Variants in BACH2 observed in about 807,000 individuals in gnomAD.
BACH2 encodes the protein BACH transcriptional regulator 2, also known as transcription regulator protein BACH2.
Under a neutral mutation model 61.8 loss-of-function variants are expected in BACH2, and 5 were observed. That is an observed-to-expected ratio of 0.08 (90% CI 0.04 to 0.17). BACH2 has a LOEUF of 0.17. BACH2 is among the 10% of genes least tolerant of loss of function. The pLI, the probability that BACH2 is intolerant of heterozygous loss-of-function variation, is 1.00. For synonymous variants in BACH2, 446 were observed against 440.1 expected (o/e 1.01, Z -0.17); for missense variants, 824 against 1,091.1 (o/e 0.76, Z 3.45).
intron 4 of BACH2, among the ~76,000 whole-genome samples, chr6:90,123,769 CAAAAA>C (rs796903431): frequency 2.9e-4 from 10 of 34,000 alleles, no homozygotes; most frequent in South Asian, 1.4e-3. Context: ...GACTCCGTCT[CAAAAA>C]AAAAAAAAAA....
At chr6:90,172,732 T>C (rs1767858695) in intron 4 of BACH2, among the ~76,000 whole-genome samples, 1 of 152,098 alleles carries the variant, frequency 6.6e-6, no homozygotes, top group Non-Finnish European at 1.5e-5. Flanking sequence ...AAAACATTCA[T>C]TAAAGGTACT....
chr6:89,947,218 C>T (rs947929880), intron 7 of BACH2, among the ~76,000 whole-genome samples: 8 of 152,200 alleles, frequency 5.3e-5, no homozygotes, highest in African/African-American at 1.9e-4. Flanking sequence ...CCAATAGATG[C>T]TGGCTTCTTC....
chr6:90,183,729 C>T (rs1768248740), intron 4 of BACH2, among the ~76,000 whole-genome samples: 1 of 152,196 alleles, frequency 6.6e-6, no homozygotes, highest in African/African-American at 2.4e-5. Flanking sequence ...CTGTGAGCTG[C>T]TGGTAATCAA....
At chr6:90,037,295 A>G (rs912033581) in intron 5 of BACH2, among the ~76,000 whole-genome samples, 3 of 152,264 alleles carry the variant, frequency 2.0e-5, no homozygotes, top group Non-Finnish European at 4.4e-5. Flanking sequence ...TTTTTAAAAA[A>G]GCCCATCTTC....
chr6:89,971,921 C>G (rs1775383423), intron 6 of BACH2, among the ~76,000 whole-genome samples: 1 of 152,172 alleles, frequency 6.6e-6, no homozygotes, highest in South Asian at 2.1e-4. Flanking sequence ...GGTGGGGACA[C>G]AGCCAAACCA....
intron 6 of BACH2, among the ~76,000 whole-genome samples, chr6:90,004,272 A>G (rs940168686): frequency 6.6e-6 from 1 of 152,212 alleles, no homozygotes; most frequent in Non-Finnish European, 1.5e-5. Flanking sequence ...ATAGCACTGA[A>G]AAGTGAGATT....
intron 4 of BACH2, among the ~76,000 whole-genome samples, chr6:90,121,389 G>T: frequency 6.6e-6 from 1 of 151,548 alleles, no homozygotes; most frequent in Non-Finnish European, 1.5e-5. Context: ...AGGTAGATAG[G>T]GTTCCTTCTT....
intron 4 of BACH2, among the ~76,000 whole-genome samples, chr6:90,201,904 T>C (rs1007312436): frequency 6.6e-6 from 1 of 152,198 alleles, no homozygotes; most frequent in Non-Finnish European, 1.5e-5. Context: ...ATTGAGGGTG[T>C]CCTGGAAAGG....
chr6:89,952,809 G>A (rs528964458), intron 6 of BACH2: 1 of 152,340 alleles, frequency 6.6e-6, no homozygotes, highest in African/African-American at 2.4e-5. Flanking sequence ...CCACACGCAT[G>A]CCTGCTCACA....
intron 1 of BACH2, among the ~76,000 whole-genome samples, chr6:90,277,161 C>A (rs1364688850): frequency 6.6e-6 from 1 of 152,048 alleles, no homozygotes; most frequent in Non-Finnish European, 1.5e-5. Context: ...CTAAATATGC[C>A]CAACACAAAT....
At chr6:90,064,427 G>A (rs1043826449) in intron 5 of BACH2, among the ~76,000 whole-genome samples, 5 of 152,140 alleles carry the variant, frequency 3.3e-5, no homozygotes, top group Non-Finnish European at 5.9e-5. Flanking sequence ...GACAAGAAGC[G>A]GTCCAGACAA....
At chr6:90,141,665 GATAAA>G (rs1301688491) in intron 4 of BACH2, among the ~76,000 whole-genome samples, 18 of 152,070 alleles carry the variant, frequency 1.2e-4, no homozygotes, top group Admixed American at 5.9e-4. Flanking sequence ...TGAGGAATGT[GATAAA>G]ATAATCATCT....
At chr6:90,136,235 T>C (rs1015529397) in intron 4 of BACH2, among the ~76,000 whole-genome samples, 17 of 152,224 alleles carry the variant, frequency 1.1e-4, no homozygotes, top group African/African-American at 3.9e-4. Context: ...GACTTTCTTC[T>C]TCTTTTTATA....
chr6:90,041,006 C>T (rs1779506927), intron 5 of BACH2, among the ~76,000 whole-genome samples: 1 of 152,182 alleles, frequency 6.6e-6, no homozygotes. Context: ...ATCATATCAT[C>T]TGCAAATAAC....
chr6:90,156,757 C>T (rs1442394353), intron 4 of BACH2, among the ~76,000 whole-genome samples: 3 of 152,054 alleles, frequency 2.0e-5, no homozygotes, highest in Admixed American at 6.6e-5. Context: ...GCAGGAACAA[C>T]AACAACAAAA....
chr6:89,960,079 T>A (rs1363386738), intron 6 of BACH2, among the ~76,000 whole-genome samples: 2 of 152,196 alleles, frequency 1.3e-5, no homozygotes, highest in Non-Finnish European at 2.9e-5. Flanking sequence ...TCCACCATGC[T>A]CACAGGTCCC....
chr6:90,289,430 C>T (rs1386979756), intron 1 of BACH2, among the ~76,000 whole-genome samples: 2 of 152,072 alleles, frequency 1.3e-5, no homozygotes, highest in African/African-American at 4.8e-5. Flanking sequence ...AGTTAACTAT[C>T]ATCAAAGAAA....
chr6:90,018,800 T>C (rs1778215123), intron 5 of BACH2, among the ~76,000 whole-genome samples: 1 of 152,226 alleles, frequency 6.6e-6, no homozygotes, highest in Non-Finnish European at 1.5e-5. Context: ...ATTTTTTAAA[T>C]GGAATTAGAA....
intron 4 of BACH2, among the ~76,000 whole-genome samples, chr6:90,098,276 C>T (rs1447163853): frequency 6.6e-6 from 1 of 151,844 alleles, no homozygotes; most frequent in Non-Finnish European, 1.5e-5. Context: ...TTTCTTTGCC[C>T]CCCCCGCAAC....
Sources: gnomAD v4.1 joint callset for allele counts (sites outside exome capture counted in the v4.1 genomes callset) on GRCh38, gnomAD v4.1.1 for gene constraint, MANE v1.5 for transcripts, NCBI Gene and HGNC (gene_info 2026-07-23, HGNC 2026-07-21) for gene names.